The following CCDC171 variants were observed in gnomAD, a reference collection of about 807,000 sequenced individuals.
CCDC171 encodes the protein coiled-coil domain containing 171.
In CCDC171, 177 loss-of-function variants were observed where a neutral mutation model predicts 168.2. The ratio of observed to expected loss-of-function variants is 1.05; its 90% CI spans 0.93 to 1.19. CCDC171 has a LOEUF of 1.19. CCDC171 is among the 50% of genes most tolerant of loss of function. CCDC171 has a pLI of 0.00. For missense variants in CCDC171, 1,991 were observed against 1,539.0 expected (o/e 1.29, Z -4.91); for synonymous variants, 687 against 540.8 (o/e 1.27, Z -3.75).
At chr9:15,990,283 T>G in intron 3 of CCDC171, among the ~76,000 whole-genome samples, 1 of 145,426 alleles carries the variant, frequency 6.9e-6, no homozygotes, top group Admixed American at 6.6e-5. Context: ...TTCAACATTC[T>G]TAAAAGAATT....
chr9:15,660,698 A>G (rs1207924707), intron 8 of CCDC171, among the ~76,000 whole-genome samples: 1 of 152,186 alleles, frequency 6.6e-6, no homozygotes, highest in African/African-American at 2.4e-5. Context: ...AGTATGTACC[A>G]CATTTTCTTT....
intron 9 of CCDC171, among the ~76,000 whole-genome samples, chr9:15,672,620 TTTC>T (rs1406540173): frequency 6.6e-6 from 1 of 152,186 alleles, no homozygotes; most frequent in Admixed American, 6.5e-5. Flanking sequence ...CCTTTCCCCG[TTTC>T]TTGTTTTTGT....
chr9:15,747,431 C>T (rs1424300261), intron 18 of CCDC171, among the ~76,000 whole-genome samples: 2 of 152,172 alleles, frequency 1.3e-5, no homozygotes, highest in African/African-American at 4.8e-5. Context: ...CAAGTGGGTC[C>T]CTGACCCTCG....
intron 25 of CCDC171, among the ~76,000 whole-genome samples, chr9:15,942,179 T>C (rs775054615): frequency 6.6e-6 from 1 of 151,930 alleles, no homozygotes; most frequent in South Asian, 2.1e-4. Context: ...GCTATGTGAG[T>C]AGGAGATTGC....
In CCDC171 at chr9:15,942,536, T is replaced by C. The variant is rs566675062; in HGVS notation, c.3753+22114T>C. Among the ~76,000 whole-genome samples, 4 of 152,080 alleles carry C rather than the reference T, an allele frequency of 2.6e-5. No homozygotes were observed. The East Asian group carries it at 7.8e-4, about 30-fold the overall frequency. On this transcript the variant is annotated intron_variant, in intron 25 of 25. Transcript: ENST00000380701. ...GAGATCAGGAATTGTGTCTTGTTTT[T>C]ACCTTATTCAGTGCCTAGCATACTA...
intron 18 of CCDC171, among the ~76,000 whole-genome samples, chr9:15,766,534 CAAAT>C (rs760587118): frequency 5.9e-5 from 9 of 151,992 alleles, no homozygotes; most frequent in Admixed American, 1.3e-4. Flanking sequence ...TTGGAGAAAA[CAAAT>C]AAGGCAGAAT....
intron 18 of CCDC171, among the ~76,000 whole-genome samples, chr9:15,775,166 T>C (rs1415263587): frequency 6.6e-6 from 1 of 152,224 alleles, no homozygotes; most frequent in African/African-American, 2.4e-5. Flanking sequence ...CTTCTTATTA[T>C]AGCATACATT....
chr9:15,707,522 C>G (rs541903012), intron 11 of CCDC171, among the ~76,000 whole-genome samples: 84 of 152,284 alleles, frequency 5.5e-4, no homozygotes, highest in African/African-American at 1.9e-3. Flanking sequence ...TTCCAACCAT[C>G]TTTTGTAGTC....
In CCDC171 at chr9:16,053,163, A is replaced by G. The variant is rs113641634; in HGVS notation, n.90-7483A>G. On this transcript the variant is annotated intron_variant and non_coding_transcript_variant, in intron 1 of 1. Transcript: ENST00000478913. ...AAAGAATTTTTGAGCTAGAAAGCCTATTGGAGATCTACAGGCAGCTCCACT... is the reference window on the plus strand; with the variant it reads ...AAAGAATTTTTGAGCTAGAAAGCCTGTTGGAGATCTACAGGCAGCTCCACT... Among the ~76,000 whole-genome samples, 113 of 152,268 alleles carry G rather than the reference A, an allele frequency of 7.4e-4. 1 individual carries two copies. The highest frequency in any genetic ancestry group is 2.4e-3 in the African/African-American group (98 of 41,564).
intron 8 of CCDC171, among the ~76,000 whole-genome samples, chr9:15,662,520 C>T (rs2048393549): frequency 6.6e-6 from 1 of 152,130 alleles, no homozygotes; most frequent in African/African-American, 2.4e-5. Context: ...TTTGTGCATG[C>T]ATCTGTCACA....
chr9:15,852,664 C>T (rs1407201772), intron 23 of CCDC171, among the ~76,000 whole-genome samples: 2 of 151,590 alleles, frequency 1.3e-5, no homozygotes, highest in South Asian at 2.1e-4. Context: ...AATGCAAAGT[C>T]GTGAAGCTTT....
chr9:15,907,388 A>T (rs1457317414), intron 24 of CCDC171, among the ~76,000 whole-genome samples: 1 of 152,242 alleles, frequency 6.6e-6, no homozygotes, highest in Non-Finnish European at 1.5e-5. Flanking sequence ...GACAAACCTG[A>T]CAAAAACAAG....
intron 23 of CCDC171, among the ~76,000 whole-genome samples, chr9:15,859,756 C>T (rs2061485692): frequency 6.6e-6 from 1 of 151,744 alleles, no homozygotes; most frequent in African/African-American, 2.4e-5. Context: ...AACCCCTGGG[C>T]TCAAGAGATC....
intron 11 of CCDC171, among the ~76,000 whole-genome samples, chr9:15,719,291 CAAAAG>C (rs1245098422): frequency 1.3e-5 from 2 of 149,346 alleles, no homozygotes; most frequent in East Asian, 2.0e-4. Context: ...TCAGAGGAGA[CAAAAG>C]AAAACAGAAT....
intron 7 of CCDC171, among the ~76,000 whole-genome samples, chr9:15,642,979 G>A (rs2046759624): frequency 6.6e-6 from 1 of 151,978 alleles, no homozygotes; most frequent in African/African-American, 2.4e-5. Context: ...TGATAAAGAA[G>A]CATATATGCT....
intron 24 of CCDC171, among the ~76,000 whole-genome samples, chr9:15,912,664 G>T (rs1407700169): frequency 6.6e-6 from 1 of 152,114 alleles, no homozygotes; most frequent in Non-Finnish European, 1.5e-5. Flanking sequence ...GTATGATATT[G>T]GCTGTGCGTT....
At chr9:16,072,471 T>G in the CCDC171 span, among the ~76,000 whole-genome samples, 1 of 152,306 alleles carries the variant, frequency 6.6e-6, no homozygotes, top group Non-Finnish European at 1.5e-5. Flanking sequence ...TTATCTTACC[T>G]TGAGTAGCCT....
At chr9:15,993,303 C>T (rs1287992843) in intron 3 of CCDC171, among the ~76,000 whole-genome samples, 3 of 152,124 alleles carry the variant, frequency 2.0e-5, no homozygotes, top group Non-Finnish European at 4.4e-5. Context: ...CATCTACAAC[C>T]AGCTGATCTT....
intron 9 of CCDC171, among the ~76,000 whole-genome samples, chr9:15,674,677 A>T (rs958297312): frequency 1.3e-5 from 2 of 152,142 alleles, no homozygotes; most frequent in Non-Finnish European, 2.9e-5. Flanking sequence ...GTTTTGAGTG[A>T]GTTTCTTAAT....
Sources: allele counts gnomAD v4.1 joint callset (sites outside exome capture counted in the v4.1 genomes callset), GRCh38; gene constraint gnomAD v4.1.1; transcripts MANE v1.5; gene names NCBI Gene and HGNC (gene_info 2026-07-23, HGNC 2026-07-21).